Variants in RERE observed in about 807,000 individuals in gnomAD.
RERE encodes the protein arginine-glutamic acid dipeptide repeats.
A neutral mutation model predicts 146.1 loss-of-function variants in RERE; 40 were observed. That is an observed-to-expected ratio of 0.27 (90% CI 0.21 to 0.36). The LOEUF (loss-of-function observed/expected upper bound fraction) is 0.36. Ranked by LOEUF, RERE falls within the 10% of genes least tolerant of loss-of-function variation. RERE has a pLI of 1.00. For missense variants in RERE, 1,933 were observed against 2,138.7 expected, an observed-to-expected ratio of 0.90 and a Z score of 1.90; for synonymous variants, 1,003 against 866.0, an observed-to-expected ratio of 1.16 and a Z score of -2.78.
intron 1 of RERE, among the ~76,000 whole-genome samples, chr1:8,804,772 T>TG (rs1198205109): frequency 5.3e-5 from 8 of 151,678 alleles, no homozygotes; most frequent in African/African-American, 1.9e-4. Context: ...AAGAGTTACA[T>TG]GTTGAAGGCT....
At chr1:8,757,925 C>CACACACATACACAT (rs1157865511) in intron 1 of RERE, among the ~76,000 whole-genome samples, 6 of 151,854 alleles carry the variant, frequency 4.0e-5, no homozygotes, top group African/African-American at 1.5e-4. Context: ...CACACACACA[C>CACACACATACACAT]ACACATATAT....
intron 1 of RERE, among the ~76,000 whole-genome samples, chr1:8,805,120 C>T (rs1163324357): frequency 6.7e-6 from 1 of 149,310 alleles, no homozygotes; most frequent in African/African-American, 2.5e-5. Flanking sequence ...AAGCGATTGT[C>T]CCGGATCCCG....
intron 4 of RERE, among the ~76,000 whole-genome samples, chr1:8,592,912 G>A (rs1281677386): frequency 6.6e-6 from 1 of 151,972 alleles, no homozygotes; most frequent in Non-Finnish European, 1.5e-5. Context: ...ACCTACAATC[G>A]CCATGTAATC....
At chr1:8,548,592 T>C (rs1302591764) in intron 6 of RERE, among the ~76,000 whole-genome samples, 1 of 152,162 alleles carries the variant, frequency 6.6e-6, no homozygotes, top group Non-Finnish European at 1.5e-5. Context: ...GTTGTATGCA[T>C]TTGAGAATTA....
intron 8 of RERE, among the ~76,000 whole-genome samples, chr1:8,499,588 T>A (rs1422234885): frequency 6.6e-6 from 1 of 152,250 alleles, no homozygotes; most frequent in Non-Finnish European, 1.5e-5. Flanking sequence ...ATGTTGGTAT[T>A]CAAGTTTTTG....
At chr1:8,791,951 G>A (rs2124576185) in intron 1 of RERE, among the ~76,000 whole-genome samples, 1 of 152,256 alleles carries the variant, frequency 6.6e-6, no homozygotes, top group East Asian at 1.9e-4. Flanking sequence ...AATTAGGCCG[G>A]GCATGATAGT....
At chr1:8,561,480 T>C (rs1557687442) in intron 4 of RERE, among the ~76,000 whole-genome samples, 2 of 149,780 alleles carry the variant, frequency 1.3e-5, no homozygotes, top group Non-Finnish European at 2.9e-5. Context: ...CTGCAACTGC[T>C]AGTTGCAACC....
At chr1:8,695,393 C>T (rs765427712) in intron 1 of RERE, among the ~76,000 whole-genome samples, 4 of 151,900 alleles carry the variant, frequency 2.6e-5, no homozygotes, top group Non-Finnish European at 5.9e-5. Flanking sequence ...GCAACTGCAA[C>T]AAAAACAAAA....
At chr1:8,782,778 C>A (rs1048054899) in intron 1 of RERE, among the ~76,000 whole-genome samples, 3 of 152,114 alleles carry the variant, frequency 2.0e-5, no homozygotes, top group African/African-American at 7.2e-5. Context: ...TGGTAGCAGG[C>A]ACCTGTAGTC....
chr1:8,423,367 G>A lies in RERE; in HGVS notation c.1204-560C>T, dbSNP rs1161494812. ...AGCCAGCGGGCCTGCCCCACCGTCCGTCATTAAAAGCCACTCCGAGACACC... is the reference window on the plus strand; with the variant it reads ...AGCCAGCGGGCCTGCCCCACCGTCCATCATTAAAAGCCACTCCGAGACACC... On this transcript the variant is annotated intron_variant, in intron 11 of 22. Transcript: ENST00000400908. This position sits in a 1 kb window ranked among gnomAD's most constrained non-coding sequence, Gnocchi z 5.4. 1.5e-5 allele frequency: 3 copies of A among 205,310 alleles called. No homozygotes were observed. The highest frequency in any genetic ancestry group is 4.7e-5 in the African/African-American group (2 of 42,224). 12.7% of individuals were successfully genotyped at this position (205,310 alleles called of 1,614,324 possible). A position where few individuals can be genotyped will look rare whatever the true frequency, so the allele number is the denominator to read the frequency against.
intron 7 of RERE, among the ~76,000 whole-genome samples, chr1:8,511,019 G>A (rs761398891): frequency 5.3e-5 from 8 of 152,038 alleles, no homozygotes; most frequent in Admixed American, 1.3e-4. Context: ...CTCCCAAAGC[G>A]CTGGAATTAC....
intron 7 of RERE, among the ~76,000 whole-genome samples, chr1:8,529,441 C>A (rs1645612684): frequency 6.7e-6 from 1 of 148,294 alleles, no homozygotes; most frequent in Admixed American, 6.8e-5. Context: ...AGGTGCCCGC[C>A]ACTACACCCA....
chr1:8,489,233 G>A (rs1326390766), intron 10 of RERE, among the ~76,000 whole-genome samples: 1 of 151,908 alleles, frequency 6.6e-6, no homozygotes, highest in Non-Finnish European at 1.5e-5. Context: ...AGGTGTAGTA[G>A]CCTGTAGTCC....
At chr1:8,649,916 A>G (rs1244006368) in intron 2 of RERE, among the ~76,000 whole-genome samples, 1 of 152,124 alleles carries the variant, frequency 6.6e-6, no homozygotes, top group Admixed American at 6.6e-5. Context: ...GATACAAAAA[A>G]GGCTATAACA....
intron 1 of RERE, among the ~76,000 whole-genome samples, chr1:8,729,678 C>A (rs935033722): frequency 6.6e-6 from 1 of 152,182 alleles, no homozygotes; most frequent in Admixed American, 6.5e-5. Flanking sequence ...ACATCTCCAG[C>A]CTTCTCCAGA....
intron 12 of RERE, among the ~76,000 whole-genome samples, chr1:8,376,241 T>C (rs1642248019): frequency 6.6e-6 from 1 of 152,178 alleles, no homozygotes; most frequent in African/African-American, 2.4e-5. Flanking sequence ...CGCAATAGCA[T>C]CTTAATCTTC....
At position 8,786,313 on chromosome 1, in the gene RERE, G is replaced by C; in HGVS notation, c.-145+30847C>G. 4 of 894,106 alleles carry C rather than the reference G, an allele frequency of 4.5e-6. No homozygotes were observed. In the South Asian group the frequency reaches 5.2e-5, roughly 12 times the overall value. The allele number at this position is 894,106 out of a possible 1,614,324, so 55.4% of individuals were successfully genotyped here. On this transcript the variant is annotated intron_variant, in intron 1 of 22. Transcript: ENST00000400908. Reference sequence around the variant, plus strand: ...ATCTTGTGGAGAAAATAATTTGAAGGGCCACAGGAAGTTATTTGCTTCTTT... The same window carrying C: ...ATCTTGTGGAGAAAATAATTTGAAGCGCCACAGGAAGTTATTTGCTTCTTT...
intron 4 of RERE, among the ~76,000 whole-genome samples, chr1:8,588,247 A>G (rs1049771375): frequency 3.3e-5 from 5 of 152,212 alleles, no homozygotes; most frequent in Admixed American, 6.5e-5. Flanking sequence ...AATTAACACA[A>G]TGGGGAAATT....
At chr1:8,769,801 TTTTTTGAGATGAA>T (rs1238743698) in intron 1 of RERE, among the ~76,000 whole-genome samples, 1 of 151,980 alleles carries the variant, frequency 6.6e-6, no homozygotes, top group Non-Finnish European at 1.5e-5. Flanking sequence ...TTATTTTTTA[TTTTTTGAGATGAA>T]GTCTCGCTCT....
Sources: allele counts gnomAD v4.1 joint callset (sites outside exome capture counted in the v4.1 genomes callset), GRCh38; gene constraint gnomAD v4.1.1; non-coding constraint Gnocchi (gnomAD v3.1); transcripts MANE v1.5; gene names NCBI Gene and HGNC (gene_info 2026-07-23, HGNC 2026-07-21).